The following ZNF33B variants were observed in gnomAD, a reference collection of about 807,000 sequenced individuals.
ZNF33B encodes the protein zinc finger protein 33B.
A neutral mutation model predicts 45.8 loss-of-function variants in ZNF33B; 29 were observed. That is an observed-to-expected ratio of 0.63 (90% CI 0.47 to 0.86). The LOEUF is 0.86. Among genes scored for constraint, ZNF33B ranks in the 40% least tolerant of loss-of-function variants. The pLI, the probability that ZNF33B is intolerant of heterozygous loss-of-function variation, is 0.00. For synonymous variants in ZNF33B, 305 were observed against 307.8 expected (o/e 0.99, Z 0.10); for missense variants, 831 against 909.9 (o/e 0.91, Z 1.12).
rs573488110 is a variant in ZNF33B, at chr10:42,591,391, G to C, written c.*1222C>G. 7.3e-5 allele frequency: 23 copies of C among 314,912 alleles called. No individual in the cohort carries two copies. The highest frequency in any genetic ancestry group is 9.7e-5 in the Non-Finnish European group (21 of 217,126). The allele number at this position is 314,912 out of a possible 1,614,324, so 19.5% of individuals were successfully genotyped here. A position where few individuals can be genotyped will look rare whatever the true frequency, so the allele number is the denominator to read the frequency against. ...GTAGTAAGAGAAAGGGAGTAACATGGAGGCAGGCCTAGATCTTCACACGTA... is the reference window on the plus strand; with the variant it reads ...GTAGTAAGAGAAAGGGAGTAACATGCAGGCAGGCCTAGATCTTCACACGTA... On this transcript the variant is annotated 3_prime_UTR_variant, in exon 5 of 5. Coordinates refer to ENST00000359467, the MANE Select transcript of ZNF33B (RefSeq NM_006955.3).
chr10:42,621,992 C>A (rs753763727), intron 4 of ZNF33B, among the ~76,000 whole-genome samples: 7 of 152,162 alleles, frequency 4.6e-5, no homozygotes, highest in Non-Finnish European at 8.8e-5. Flanking sequence ...TGCAAAGTTG[C>A]AGGATACATC....
chr10:42,600,710 G>C (rs973226565), intron 4 of ZNF33B, among the ~76,000 whole-genome samples: 1 of 152,018 alleles, frequency 6.6e-6, no homozygotes, highest in African/African-American at 2.4e-5. Flanking sequence ...GTACTTTTCA[G>C]TAACAGTATA....
chr10:42,593,996 C>G lies in ZNF33B; in HGVS notation c.954G>C (p.Gln318His), dbSNP rs138190954. 8.7e-6 allele frequency: 14 copies of G among 1,614,112 alleles called. No homozygotes were observed. The highest frequency in any genetic ancestry group is 2.2e-5 in the East Asian group (1 of 44,878). ...NNFRRKLCLS[Q>H]LQKGDKGEKH... ...TCTCTCCTTTATCACCTTTCTGAAG[C>G]TGTGACAGACACAATTTCCTCCTGA... The change falls in exon 5 of 5, where the codon CAG becomes CAC. Residue 318 changes from glutamine (Q) to histidine (H), a missense_variant. Transcript: ENST00000359467.
rs1477283980 is a variant in ZNF33B, at chr10:42,625,513, CTT to C, written c.250+6414_250+6415del. 3.9e-5 allele frequency among the ~76,000 whole-genome samples: 6 copies of C among 152,200 alleles called. No individual in the cohort carries two copies. The East Asian group carries it at 9.7e-4, about 24-fold the overall frequency. On this transcript the variant is annotated intron_variant, in intron 4 of 4. Coordinates refer to ENST00000359467, the MANE Select transcript of ZNF33B (RefSeq NM_006955.3). ...TTTGTTTTTGAGACGGAGTTTCACTCTTGTTGCCCAGGCTGGCGTGCAATGGT... is the reference window on the plus strand; with the variant it reads ...TTTGTTTTTGAGACGGAGTTTCACTCGTTGCCCAGGCTGGCGTGCAATGGT...
chr10:42,593,730 T>A lies in ZNF33B; in HGVS notation c.1220A>T (p.His407Leu). Residue 407 changes from histidine (H) to leucine (L), a missense_variant, in exon 5 of 5, where the codon CAT (histidine) becomes CTT (leucine). Coordinates refer to ENST00000359467, the MANE Select transcript of ZNF33B (RefSeq NM_006955.3). Reference sequence around the variant, plus strand: ...ACACTGATAGGGTTTCTCCCCTGTATGTGTTCTCTGGTGTAATGTGAGGGC... The same window carrying A: ...ACACTGATAGGGTTTCTCCCCTGTAAGTGTTCTCTGGTGTAATGTGAGGGC... ...KSALTLHQRT[H>L]TGEKPYQCNA... 3 of 1,613,728 alleles carry A rather than the reference T, an allele frequency of 1.9e-6. No homozygotes were observed. Among genetic ancestry groups the A allele is most frequent in the Non-Finnish European group, 2.5e-6 (3 of 1,179,762 alleles).
intron 1 of ZNF33B, among the ~76,000 whole-genome samples, chr10:42,577,281 T>C (rs1836761343): frequency 6.6e-6 from 1 of 152,134 alleles, no homozygotes; most frequent in African/African-American, 2.4e-5. Flanking sequence ...CTCTGACTCC[T>C]GTTCAATCTC....
chr10:42,628,997 A>C (rs1838932182), intron 4 of ZNF33B, among the ~76,000 whole-genome samples: 1 of 152,254 alleles, frequency 6.6e-6, no homozygotes, highest in East Asian at 1.9e-4. Context: ...TCAATGAGAT[A>C]TCTCTGCTCC....
intron 4 of ZNF33B, among the ~76,000 whole-genome samples, chr10:42,601,050 G>A (rs1318991230): frequency 1.3e-5 from 2 of 152,024 alleles, no homozygotes; most frequent in Non-Finnish European, 2.9e-5. Flanking sequence ...GTTTCTTATA[G>A]CTATTTTTAC....
intron 4 of ZNF33B, among the ~76,000 whole-genome samples, chr10:42,628,268 G>A (rs796121854): frequency 1.7e-5 from 2 of 118,680 alleles, no homozygotes; most frequent in African/African-American, 6.3e-5. Flanking sequence ...TGCCCGCCTC[G>A]GCTTCTCAAA....
chr10:42,630,595 C>G (rs1331545937), intron 4 of ZNF33B, among the ~76,000 whole-genome samples: 2 of 152,270 alleles, frequency 1.3e-5, no homozygotes, highest in East Asian at 3.9e-4. Context: ...GTTATTGCCC[C>G]ACTTTCCAAA....
chr10:42,613,946 T>C (rs1838204861), intron 4 of ZNF33B, among the ~76,000 whole-genome samples: 2 of 152,222 alleles, frequency 1.3e-5, no homozygotes, highest in South Asian at 4.1e-4. Flanking sequence ...TGGACCATCT[T>C]GCAGTGACAG....
At chr10:42,613,426 T>C (rs1302719501) in intron 4 of ZNF33B, among the ~76,000 whole-genome samples, 1 of 152,014 alleles carries the variant, frequency 6.6e-6, no homozygotes, top group African/African-American at 2.4e-5. Flanking sequence ...TAAGCACCTG[T>C]AGCCCCAGCT....
chr10:42,580,566 C>G (rs1836809134), intron 1 of ZNF33B, among the ~76,000 whole-genome samples: 1 of 151,744 alleles, frequency 6.6e-6, no homozygotes, highest in Non-Finnish European at 1.5e-5. Flanking sequence ...GTGGGCTTTA[C>G]ACACTGGAGA....
chr10:42,593,561 G>A lies in ZNF33B; in HGVS notation c.1389C>T (p.His463=), dbSNP rs749041469. The A allele has an allele frequency of 1.5e-5, 25 of 1,613,918 alleles. No individual in the cohort carries two copies. The highest frequency in any genetic ancestry group is 2.7e-5 in the African/African-American group (2 of 74,914). ...GACATTCAAAAGGTTTCTCACCTGTGTGAGTTCTCTGGTGTACTGTAAGGT... is the reference window on the plus strand; with the variant it reads ...GACATTCAAAAGGTTTCTCACCTGTATGAGTTCTCTGGTGTACTGTAAGGT... ...NSHLTVHQRT[H]TGEKPFECLE... The change falls in exon 5 of 5, where the codon CAC becomes CAT. Residue 463 remains histidine (H), a synonymous_variant. Coordinates refer to ENST00000359467, the MANE Select transcript of ZNF33B (RefSeq NM_006955.3).
chr10:42,610,150 T>G (rs1410282227), intron 4 of ZNF33B, among the ~76,000 whole-genome samples: 1 of 152,070 alleles, frequency 6.6e-6, no homozygotes, highest in African/African-American at 2.4e-5. Flanking sequence ...TCTTAAAGAA[T>G]CTACTAAAAC....
intron 4 of ZNF33B, among the ~76,000 whole-genome samples, chr10:42,611,460 T>G (rs1252244545): frequency 1.3e-5 from 2 of 152,054 alleles, no homozygotes; most frequent in East Asian, 3.9e-4. Flanking sequence ...AAAAACTAAC[T>G]GAAAATGGAT....
At chr10:42,629,126 A>T (rs1047944518) in intron 4 of ZNF33B, among the ~76,000 whole-genome samples, 1 of 152,238 alleles carries the variant, frequency 6.6e-6, no homozygotes, top group Non-Finnish European at 1.5e-5. Context: ...CCATTCACCC[A>T]TAAAAAAGAA....
At chr10:42,584,649 T>C (rs879615021), downstream of ZNF33B, among the ~76,000 whole-genome samples, 3 of 151,892 alleles carry the variant, frequency 2.0e-5, no homozygotes, top group Admixed American at 2.0e-4. Context: ...GCCTCCCGAG[T>C]AGCTGGGATT....
chr10:42,589,032 G>C (rs377631543), downstream of ZNF33B: 2 of 210,240 alleles, frequency 9.5e-6, no homozygotes, highest in African/African-American at 4.7e-5. Flanking sequence ...GTTCATTAAC[G>C]GTGATTTACA....
Sources: gnomAD v4.1 joint callset for allele counts (sites outside exome capture counted in the v4.1 genomes callset) on GRCh38, gnomAD v4.1.1 for gene constraint, MANE v1.5 for transcripts, NCBI Gene and HGNC (gene_info 2026-07-23, HGNC 2026-07-21) for gene names.